Variants in MAP3K2 observed in about 807,000 individuals in gnomAD.
MAP3K2 encodes MAP/ERK kinase kinase 2.
In MAP3K2, 24 loss-of-function variants were observed where a neutral mutation model predicts 80.3. The ratio of observed to expected loss-of-function variants is 0.30; its 90% confidence interval spans 0.22 to 0.42. MAP3K2 has a LOEUF of 0.42. Ranked by LOEUF, MAP3K2 falls within the 10% of genes least tolerant of loss-of-function variation. The probability of loss-of-function intolerance (pLI) is 1.00; values close to 1 mark genes in which losing one functional copy is unlikely to be tolerated. For missense variants in MAP3K2, 608 were observed against 750.1 expected, an observed-to-expected ratio of 0.81 and a Z score of 2.21; for synonymous variants, 244 against 253.7, an observed-to-expected ratio of 0.96 and a Z score of 0.36.
intron 1 of MAP3K2, among the ~76,000 whole-genome samples, chr2:127,354,268 TG>T (rs1382726633): frequency 6.3e-5 from 9 of 141,860 alleles, no homozygotes; most frequent in South Asian, 2.2e-4. Flanking sequence ...AAATATCATT[TG>T]AAAAAAAAAA....
At chr2:127,361,035 A>C (rs756861102) in intron 1 of MAP3K2, among the ~76,000 whole-genome samples, 1 of 152,024 alleles carries the variant, frequency 6.6e-6, no homozygotes, top group African/African-American at 2.4e-5. Flanking sequence ...AAATTTAGGC[A>C]GGGCGCGGTG....
chr2:127,310,661 A>T lies in MAP3K2; in HGVS notation c.1457-1899T>A, dbSNP rs1303062886. Among the ~76,000 whole-genome samples, 2 of 152,146 alleles carry T rather than the reference A, an allele frequency of 1.3e-5. No individual in the cohort carries two copies. Among genetic ancestry groups the T allele is most frequent in the African/African-American group, 4.8e-5 (2 of 41,436 alleles). On this transcript the variant is annotated intron_variant, in intron 15 of 16. Coordinates refer to ENST00000682094, the MANE Select transcript of MAP3K2 (RefSeq NM_001371910.2). This position sits in a 1 kb window ranked among gnomAD's most constrained non-coding sequence, Gnocchi z 4.8. ...GTGAGACCCTGTCTCAAAAAAACAA[A>T]AACAAAAAACCAAGCTTGGGCACTA...
intron 1 of MAP3K2, among the ~76,000 whole-genome samples, chr2:127,349,536 C>T (rs913311819): frequency 6.6e-5 from 10 of 152,020 alleles, no homozygotes; most frequent in Admixed American, 5.9e-4. Context: ...GTTTTTAGGA[C>T]TTTTAATCAA....
At chr2:127,308,854 T>TC in intron 15 of MAP3K2, 92 bp from the exon 16 acceptor site, 3 of 1,321,790 alleles carry the variant, frequency 2.3e-6, no homozygotes, top group Non-Finnish European at 3.1e-6. Flanking sequence ...CTTCATAGAC[T>TC]CTTTGATTTG....
intron 1 of MAP3K2, among the ~76,000 whole-genome samples, chr2:127,372,421 T>C (rs1177660113): frequency 3.3e-5 from 5 of 152,218 alleles, no homozygotes; most frequent in Non-Finnish European, 2.9e-5. Context: ...ATAAGAATTT[T>C]ACTGGCTTAT....
At position 127,387,954 on chromosome 2, in the gene MAP3K2, C is replaced by T; in HGVS notation, c.-568G>A. ...CCGCTGAGGGCAGGCAGCCCGGCAG[C>T]CACTACACACGGACCCGTGACGTCG... On this transcript the variant is annotated 5_prime_UTR_variant, in exon 1 of 17. Transcript: ENST00000682094. 2.0e-6 allele frequency: 2 copies of T among 984,738 alleles called. No individual in the cohort carries two copies. The highest frequency in any genetic ancestry group is 1.2e-6 in the Non-Finnish European group (1 of 829,712). 61.0% of individuals were successfully genotyped at this position (984,738 alleles called of 1,614,324 possible). A position where few individuals can be genotyped will look rare whatever the true frequency, so the allele number is the denominator to read the frequency against.
At chr2:127,380,418 T>G (rs962883101) in intron 1 of MAP3K2, among the ~76,000 whole-genome samples, 1 of 152,234 alleles carries the variant, frequency 6.6e-6, no homozygotes, top group Non-Finnish European at 1.5e-5. Context: ...ACTAAATGAC[T>G]AACCACACAA....
chr2:127,323,937 T>C lies in MAP3K2; in HGVS notation c.803A>G (p.Tyr268Cys). The change falls in exon 11 of 17, where the codon TAT (tyrosine) becomes TGT (cysteine). Residue 268 changes from tyrosine (Y) to cysteine (C), a missense_variant. Tyr to Cys is a radical substitution (Grantham distance 194). Around this residue, in one of 4 missense-constraint regions of MAP3K2, gnomAD observed 467 missense variants for 521.9 expected, o/e 0.89. Coordinates refer to ENST00000682094, the MANE Select transcript of MAP3K2 (RefSeq NM_001371910.2). The stretch of plus-strand genomic sequence containing the variant: ...CTCTTGATGATGATATGAAACATGA[T>C]ACCTTCTTGGATATGTTCCTCCTTT... Reference protein sequence around the residue: ...FGKGGTYPRRYHVSYHHQEYN... With the variant: ...FGKGGTYPRRCHVSYHHQEYN... 1 of 1,564,510 alleles carries C rather than the reference T, an allele frequency of 6.4e-7. No individual in the cohort carries two copies. Among genetic ancestry groups the C allele is most frequent in the Non-Finnish European group, 8.7e-7 (1 of 1,145,462 alleles).
rs1268405232 is a variant in MAP3K2 at position 127,304,145 on chromosome 2, T to A, written c.*3434A>T. On this transcript the variant is annotated 3_prime_UTR_variant, in exon 17 of 17. Coordinates refer to ENST00000682094, the MANE Select transcript of MAP3K2 (RefSeq NM_001371910.2). ...CATTAATATTTTAATTCCTTATATA[T>A]GTTATGTAAGGGTAACTGTGCCTTT... is the stretch of plus-strand genomic sequence containing the variant. The A allele has an allele frequency of 6.6e-6, 1 of 152,280 alleles. No individual in the cohort carries two copies. Among genetic ancestry groups the A allele is most frequent in the African/African-American group, 2.4e-5 (1 of 41,568 alleles). The allele number at this position is 152,280 out of a possible 1,614,324, so 9.4% of individuals were successfully genotyped here.
At chr2:127,319,650 CAAAAAAA>C (rs57472022) in intron 12 of MAP3K2, among the ~76,000 whole-genome samples, 97 of 71,834 alleles carry the variant, frequency 1.4e-3, no homozygotes, top group Non-Finnish European at 2.0e-3. Flanking sequence ...ACTAAAAATA[CAAAAAAA>C]AAAAAAAAAA....
intron 1 of MAP3K2, among the ~76,000 whole-genome samples, chr2:127,382,396 A>G (rs1458452218): frequency 6.6e-6 from 1 of 152,214 alleles, no homozygotes; most frequent in African/African-American, 2.4e-5. Flanking sequence ...TGTTTTTTAA[A>G]AAAAGATATC....
chr2:127,343,441 A>G (rs531831671), intron 1 of MAP3K2, among the ~76,000 whole-genome samples: 353 of 152,338 alleles, frequency 2.3e-3, no homozygotes, highest in Middle Eastern at 0.014. Context: ...TAGTGTTTGT[A>G]CAAACCATTA....
intron 9 of MAP3K2, among the ~76,000 whole-genome samples, chr2:127,325,449 CAGG>C (rs1686114042): frequency 6.6e-6 from 1 of 152,166 alleles, no homozygotes; most frequent in Non-Finnish European, 1.5e-5. Context: ...GAGACCAAGG[CAGG>C]AGGTTCGCTT....
Position 127,322,126 on chromosome 2 carries a change from T to A in MAP3K2, c.965A>T (p.Asp322Val). 6.2e-7 allele frequency: 1 copy of A among 1,613,878 alleles called. No homozygotes were observed. Among genetic ancestry groups the A allele is most frequent in the Non-Finnish European group, 8.5e-7 (1 of 1,179,842 alleles). ...SGSSIFTPEY[D>V]DSRIRRRGSD... ...TCCCCTTCTTCTTATTCGACTATCA[T>A]CATACTCTGGGGTAAAGATACTGCT... Residue 322 changes from aspartate to valine, a missense_variant, in exon 12 of 17, where the codon GAT (aspartate) becomes GTT (valine). Asp to Val is a radical substitution (Grantham distance 152). Coordinates refer to ENST00000682094, the MANE Select transcript of MAP3K2 (RefSeq NM_001371910.2). This position sits in a 1 kb window ranked among gnomAD's most constrained non-coding sequence, Gnocchi z 4.2.
intron 1 of MAP3K2, among the ~76,000 whole-genome samples, chr2:127,369,072 G>A (rs1038383624): frequency 1.7e-4 from 25 of 151,342 alleles, no homozygotes; most frequent in African/African-American, 2.9e-4. Context: ...CTCAGCCTCC[G>A]GAGTAGCTGG....
In MAP3K2 at chr2:127,377,732, G is replaced by T. The variant is rs1687175188; in HGVS notation, c.-66+9720C>A. Among the ~76,000 whole-genome samples the T allele has an allele frequency of 1.3e-5, 2 of 152,148 alleles. 1 individual carries two copies. The highest frequency in any genetic ancestry group is 4.8e-5 in the African/African-American group (2 of 41,434). ...CTTCCTAAGATACGGTTTGAAATTT[G>T]TAGAAAATTGTATGATAGCTTCAAT... On this transcript the variant is annotated intron_variant, in intron 1 of 16. Coordinates refer to ENST00000682094, the MANE Select transcript of MAP3K2 (RefSeq NM_001371910.2).
intron 7 of MAP3K2, among the ~76,000 whole-genome samples, chr2:127,328,056 C>A (rs1686177892): frequency 6.6e-6 from 1 of 152,234 alleles, no homozygotes; most frequent in Non-Finnish European, 1.5e-5. Flanking sequence ...GGGTGGATCA[C>A]ATGAGGTCAG....
At chr2:127,317,040 C>T (rs1358219675) in intron 14 of MAP3K2, 1 of 140,718 alleles carries the variant, frequency 7.1e-6, no homozygotes, top group African/African-American at 2.6e-5. Context: ...TAGAGAAATC[C>T]ATGAGAATTT....
chr2:127,362,475 T>A (rs1006560966), intron 1 of MAP3K2, among the ~76,000 whole-genome samples: 2 of 152,218 alleles, frequency 1.3e-5, no homozygotes, highest in African/African-American at 4.8e-5. Context: ...GCGGGGGAAT[T>A]TGTTTTAAAT....
Sources: gnomAD v4.1 joint callset for allele counts (sites outside exome capture counted in the v4.1 genomes callset) on GRCh38, gnomAD v4.1.1 for gene constraint, gnomAD v4.1.1 regional missense constraint, Gnocchi (gnomAD v3.1) non-coding constraint, MANE v1.5 for transcripts, NCBI Gene and HGNC (gene_info 2026-07-23, HGNC 2026-07-21) for gene names.